Variants in MACROD2 observed in about 807,000 individuals in gnomAD.
MACROD2 encodes the protein ADP-ribose glycohydrolase MACROD2.
MACROD2 carries 36 observed loss-of-function variants against 70.4 expected under a neutral mutation model. That is an observed-to-expected ratio of 0.51 (90% confidence interval 0.39 to 0.68). MACROD2 has a LOEUF of 0.68. Among genes scored for constraint, MACROD2 ranks in the 30% least tolerant of loss-of-function variants. The pLI is 0.00. For missense variants in MACROD2, 496 were observed against 538.4 expected (o/e 0.92, Z 0.78); for synonymous variants, 172 against 178.8 (o/e 0.96, Z 0.30).
intron 5 of MACROD2, among the ~76,000 whole-genome samples, chr20:15,109,237 G>T (rs1025074717): frequency 2.0e-5 from 3 of 152,192 alleles, no homozygotes; most frequent in Non-Finnish European, 4.4e-5. Flanking sequence ...AAGAGTAAAA[G>T]TGATAGATTC....
chr20:14,120,210 T>A (rs2054567873), intron 3 of MACROD2, among the ~76,000 whole-genome samples: 2 of 33,566 alleles, frequency 6.0e-5, no homozygotes, highest in East Asian at 8.5e-4. Flanking sequence ...TGAGACTCCG[T>A]CTCAAAAAAA....
chr20:15,017,281 C>A (rs563506587), intron 5 of MACROD2, among the ~76,000 whole-genome samples: 2 of 152,262 alleles, frequency 1.3e-5, no homozygotes, highest in African/African-American at 4.8e-5. Context: ...TGAAATCCAG[C>A]GGGGCAGTCA....
At chr20:15,418,788 G>A (rs1281197081) in intron 6 of MACROD2, among the ~76,000 whole-genome samples, 1 of 152,182 alleles carries the variant, frequency 6.6e-6, no homozygotes, top group Non-Finnish European at 1.5e-5. Context: ...TCCTTTCCCA[G>A]TTGTTTGTCC....
chr20:14,047,164 G>A (rs972699761), intron 2 of MACROD2, among the ~76,000 whole-genome samples: 2 of 152,204 alleles, frequency 1.3e-5, no homozygotes, highest in South Asian at 2.1e-4. Flanking sequence ...CCATGGAAAT[G>A]GGCTGGGCGC....
intron 3 of MACROD2, among the ~76,000 whole-genome samples, chr20:14,302,480 T>TTTA (rs1310176050): frequency 2.6e-5 from 4 of 152,318 alleles, no homozygotes; most frequent in African/African-American, 9.6e-5. Context: ...TAGCAAAGTA[T>TTTA]TTATGAGTTT....
intron 5 of MACROD2, among the ~76,000 whole-genome samples, chr20:15,060,883 A>G (rs1361576658): frequency 1.3e-5 from 2 of 152,184 alleles, no homozygotes; most frequent in Non-Finnish European, 2.9e-5. Flanking sequence ...TAACAATCCC[A>G]TCTGAGAGAA....
chr20:15,118,710 C>A (rs1276991135), intron 5 of MACROD2, among the ~76,000 whole-genome samples: 2 of 152,146 alleles, frequency 1.3e-5, no homozygotes, highest in African/African-American at 4.8e-5. Flanking sequence ...TAGAACAAAT[C>A]AAATATACTT....
At chr20:15,309,388 G>A (rs960010495) in intron 6 of MACROD2, among the ~76,000 whole-genome samples, 2 of 152,126 alleles carry the variant, frequency 1.3e-5, no homozygotes, top group Non-Finnish European at 2.9e-5. Flanking sequence ...ATTAGGGAGG[G>A]CACTGATAGC....
At chr20:15,869,148 A>G (rs2064536712) in intron 9 of MACROD2, among the ~76,000 whole-genome samples, 2 of 148,430 alleles carry the variant, frequency 1.3e-5, no homozygotes, top group Admixed American at 6.7e-5. Flanking sequence ...TTTTGTTTCC[A>G]GCTTTGAAAT....
intron 5 of MACROD2, among the ~76,000 whole-genome samples, chr20:14,951,346 C>A (rs765368180): frequency 6.6e-6 from 1 of 152,078 alleles, no homozygotes; most frequent in Non-Finnish European, 1.5e-5. Context: ...AAGCCAAGTA[C>A]ACAGCAAGAC....
chr20:15,401,098 C>A (rs568574439), intron 6 of MACROD2, among the ~76,000 whole-genome samples: 1 of 151,370 alleles, frequency 6.6e-6, no homozygotes, highest in East Asian at 1.9e-4. Flanking sequence ...AGTGCAGTGG[C>A]GCCATCTCAG....
intron 5 of MACROD2, among the ~76,000 whole-genome samples, chr20:14,725,147 A>G (rs768133897): frequency 4.6e-5 from 7 of 152,148 alleles, no homozygotes; most frequent in Non-Finnish European, 5.9e-5. Context: ...GATGGATGAC[A>G]ACACCATTTC....
At chr20:15,623,958 G>A (rs1022682201) in intron 8 of MACROD2, among the ~76,000 whole-genome samples, 3 of 152,176 alleles carry the variant, frequency 2.0e-5, no homozygotes, top group African/African-American at 7.2e-5. Flanking sequence ...AAGGATAATT[G>A]ACTCACTCGA....
At chr20:15,374,116 G>C (rs1301741411) in intron 6 of MACROD2, among the ~76,000 whole-genome samples, 2 of 151,864 alleles carry the variant, frequency 1.3e-5, no homozygotes, top group African/African-American at 4.8e-5. Flanking sequence ...GAAGACTCTT[G>C]ATATGCATAA....
intron 5 of MACROD2, among the ~76,000 whole-genome samples, chr20:15,160,956 A>G (rs2076344010): frequency 7.0e-6 from 1 of 142,750 alleles, no homozygotes; most frequent in South Asian, 2.3e-4. Context: ...GGAAGTTAAC[A>G]TGGATCAAGG....
At chr20:15,148,940 C>T (rs1037709567) in intron 5 of MACROD2, among the ~76,000 whole-genome samples, 1 of 151,920 alleles carries the variant, frequency 6.6e-6, no homozygotes, top group Non-Finnish European at 1.5e-5. Context: ...AAAGGCTGGT[C>T]TGTTATCAGA....
At chr20:14,393,295 G>T (rs941350648) in intron 3 of MACROD2, among the ~76,000 whole-genome samples, 6 of 152,128 alleles carry the variant, frequency 3.9e-5, no homozygotes, top group Admixed American at 6.6e-5. Context: ...AGGAATGGAG[G>T]AATGGCAAAC....
chr20:14,096,201 A>C (rs1017014037), intron 3 of MACROD2, among the ~76,000 whole-genome samples: 1 of 152,150 alleles, frequency 6.6e-6, no homozygotes, highest in Non-Finnish European at 1.5e-5. Flanking sequence ...ATAGACCTGG[A>C]AGCAAATAGA....
intron 3 of MACROD2, among the ~76,000 whole-genome samples, chr20:14,473,773 G>A (rs975856273): frequency 6.6e-6 from 1 of 152,168 alleles, no homozygotes; most frequent in African/African-American, 2.4e-5. Flanking sequence ...CTAACAGTGT[G>A]TAAGAGTTCC....
Sources: allele counts gnomAD v4.1 joint callset (sites outside exome capture counted in the v4.1 genomes callset), GRCh38; gene constraint gnomAD v4.1.1; transcripts MANE v1.5; gene names NCBI Gene and HGNC (gene_info 2026-07-23, HGNC 2026-07-21).